The following MRTFA variants were observed in gnomAD, a reference collection of about 807,000 sequenced individuals.
MRTFA encodes myocardin related transcription factor A.
A neutral mutation model predicts 83.5 loss-of-function variants in MRTFA; 20 were observed. That is an observed-to-expected ratio of 0.24 (90% CI 0.17 to 0.35). The LOEUF (loss-of-function observed/expected upper bound fraction) is 0.35, where lower values mean the gene tolerates loss of function less well. MRTFA is among the 10% of genes least tolerant of loss of function. The pLI, the probability that MRTFA is intolerant of heterozygous loss-of-function variation, is 1.00. For synonymous variants in MRTFA, 659 were observed against 541.2 expected (o/e 1.22, Z -3.02); for missense variants, 1,200 against 1,224.7 (o/e 0.98, Z 0.30).
chr22:40,423,023 T>C (rs555839097), intron 9 of MRTFA, among the ~76,000 whole-genome samples: 141 of 152,172 alleles, frequency 9.3e-4, no homozygotes, highest in Non-Finnish European at 1.7e-3. Flanking sequence ...CATGAGCTCT[T>C]GGTGCAGCTG....
Position 40,423,692 on chromosome 22 carries a change from G to A in MRTFA, c.778-7C>T, listed in dbSNP as rs1315893278. 7 of 1,532,292 alleles carry A rather than the reference G, an allele frequency of 4.6e-6. No individual in the cohort carries two copies. The highest frequency in any genetic ancestry group is 1.8e-4 in the Middle Eastern group (1 of 5,696). 94.9% of individuals were successfully genotyped at this position (1,532,292 alleles called of 1,614,324 possible). A position where few individuals can be genotyped will look rare whatever the true frequency, so the allele number is the denominator to read the frequency against. ...TCGGAAGTTGAGACACAACCTGAGAGGGAAAAAGGGAAGTGAGGACATGGC... is the reference window on the plus strand; with the variant it reads ...TCGGAAGTTGAGACACAACCTGAGAAGGAAAAAGGGAAGTGAGGACATGGC... On this transcript the variant is annotated splice_region_variant and splice_polypyrimidine_tract_variant and intron_variant, in intron 8 of 14. Coordinates refer to ENST00000355630, the MANE Select transcript of MRTFA (RefSeq NM_020831.6).
At chr22:40,475,350 C>G (rs1182565696) in intron 3 of MRTFA, among the ~76,000 whole-genome samples, 1 of 151,708 alleles carries the variant, frequency 6.6e-6, no homozygotes, top group Admixed American at 6.6e-5. Flanking sequence ...CCAGCCTGGC[C>G]AACATGGTGA....
chr22:40,466,786 C>T (rs1001879786), intron 3 of MRTFA, among the ~76,000 whole-genome samples: 2 of 151,984 alleles, frequency 1.3e-5, no homozygotes, highest in Non-Finnish European at 2.9e-5. Flanking sequence ...TGAATAGGGC[C>T]ATAGGGATAT....
In MRTFA at chr22:40,418,524, G is replaced by T. The variant is rs142826865; in HGVS notation, c.2214C>A (p.Pro738=). Residue 738 remains proline, a synonymous_variant, in exon 12 of 15, where the codon CCC becomes CCA. Coordinates refer to ENST00000355630, the MANE Select transcript of MRTFA (RefSeq NM_020831.6). ...GGCCCTGAGGCCCCAGAAGCAACTGGGGGGCGGGGACCGGCTCGGGCTCAG... is the reference window on the plus strand; with the variant it reads ...GGCCCTGAGGCCCCAGAAGCAACTGTGGGGCGGGGACCGGCTCGGGCTCAG... 1.9e-5 allele frequency: 31 copies of T among 1,590,780 alleles called. No individual in the cohort carries two copies. The highest frequency in any genetic ancestry group is 2.5e-5 in the Non-Finnish European group (29 of 1,172,710).
At position 40,410,674 on chromosome 22, in the gene MRTFA, GCCAGACTGGGCA is replaced by G. The variant is rs2147042793; in HGVS notation, c.*704_*715del. 4.3e-6 allele frequency: 1 copy of G among 233,436 alleles called. No individual in the cohort carries two copies. Among genetic ancestry groups the G allele is most frequent in the South Asian group, 1.8e-4 (1 of 5,524 alleles). 14.5% of individuals were successfully genotyped at this position (233,436 alleles called of 1,614,324 possible). On this transcript the variant is annotated 3_prime_UTR_variant, in exon 15 of 15. Transcript: ENST00000355630. ...GATGGGTGGGCCTGGGTAGCTGCAT[GCCAGACTGGGCA>G]CCAGACTGTGGCACACAGCTCAAGG...
intron 2 of MRTFA, among the ~76,000 whole-genome samples, chr22:40,565,148 A>G (rs1370092653): frequency 2.0e-5 from 3 of 152,194 alleles, no homozygotes; most frequent in Non-Finnish European, 4.4e-5. Flanking sequence ...ACTTCTCTAT[A>G]CCATTCCCAA....
chr22:40,587,954 T>C, intron 2 of MRTFA: 2 of 357,702 alleles, frequency 5.6e-6, no homozygotes, highest in South Asian at 3.7e-5. Context: ...GCCAGATGAC[T>C]CCCCTTTTTC....
intron 2 of MRTFA, among the ~76,000 whole-genome samples, chr22:40,576,232 T>C (rs1227501586): frequency 6.6e-6 from 1 of 152,092 alleles, no homozygotes; most frequent in East Asian, 1.9e-4. Context: ...GGTTTTGCCA[T>C]GTTGGCCAGG....
intron 1 of MRTFA, among the ~76,000 whole-genome samples, chr22:40,612,318 T>C (rs2056396142): frequency 6.6e-6 from 1 of 152,222 alleles, no homozygotes. Flanking sequence ...GAATGAAGGA[T>C]GAACTATCTT....
chr22:40,465,703 G>A (rs918454371), intron 3 of MRTFA, among the ~76,000 whole-genome samples: 3 of 151,904 alleles, frequency 2.0e-5, no homozygotes, highest in South Asian at 4.2e-4. Context: ...TGGAACTATA[G>A]GTGCATGACA....
chr22:40,420,551 T>C lies in MRTFA; in HGVS notation c.1207A>G (p.Ser403Gly), dbSNP rs770159160. The C allele has an allele frequency of 6.2e-7, 1 of 1,613,454 alleles. No homozygotes were observed. ...AGGCTGCGTACTGGGGGGGTCCCGC[T>C]GCTTCCCAGGGCCTCGCCTGCTGAC... The change falls in exon 11 of 15, where the codon AGC becomes GGC. Residue 403 changes from serine to glycine, a missense_variant. Physicochemically the swap from Ser to Gly is moderately conservative, Grantham distance 56 (BLOSUM62 0). Coordinates refer to ENST00000355630, the MANE Select transcript of MRTFA (RefSeq NM_020831.6).
chr22:40,591,866 T>C (rs1018808898), intron 2 of MRTFA, among the ~76,000 whole-genome samples: 3 of 152,350 alleles, frequency 2.0e-5, no homozygotes, highest in South Asian at 2.1e-4. Context: ...AATGTTAATG[T>C]GTCCATTTCA....
intron 1 of MRTFA, among the ~76,000 whole-genome samples, chr22:40,618,415 T>C (rs1435541010): frequency 1.3e-5 from 2 of 151,884 alleles, no homozygotes; most frequent in Non-Finnish European, 2.9e-5. Flanking sequence ...GTAACCTCTC[T>C]GATAAGGAGA....
intron 2 of MRTFA, among the ~76,000 whole-genome samples, chr22:40,568,135 A>T (rs538314341): frequency 6.6e-6 from 1 of 152,350 alleles, no homozygotes; most frequent in African/African-American, 2.4e-5. Flanking sequence ...CACCTACCAG[A>T]GCCACAATGA....
At chr22:40,453,233 T>C (rs2053526685) in intron 4 of MRTFA, among the ~76,000 whole-genome samples, 1 of 152,210 alleles carries the variant, frequency 6.6e-6, no homozygotes, top group Admixed American at 6.5e-5. Context: ...GGGATTCAAC[T>C]ACAATTACAC....
At chr22:40,519,133 C>A (rs2054815462) in intron 3 of MRTFA, among the ~76,000 whole-genome samples, 1 of 151,580 alleles carries the variant, frequency 6.6e-6, no homozygotes, top group Admixed American at 6.6e-5. Flanking sequence ...TGCATGATCT[C>A]TTTTAATAAA....
intron 1 of MRTFA, among the ~76,000 whole-genome samples, chr22:40,625,125 A>C (rs1289775025): frequency 6.6e-6 from 1 of 152,102 alleles, no homozygotes; most frequent in African/African-American, 2.4e-5. Flanking sequence ...CTAACCCCCC[A>C]AAAAAACATC....
chr22:40,590,958 C>A (rs1405686570), intron 2 of MRTFA, among the ~76,000 whole-genome samples: 1 of 151,864 alleles, frequency 6.6e-6, no homozygotes. Flanking sequence ...ATGGTGAAAC[C>A]CCGTCTCTAC....
At chr22:40,489,955 A>G (rs898961009) in intron 3 of MRTFA, among the ~76,000 whole-genome samples, 22 of 123,358 alleles carry the variant, frequency 1.8e-4, no homozygotes, top group Non-Finnish European at 3.5e-4. Context: ...CTGGGAGACA[A>G]AGCATGACTC....
Sources: gnomAD v4.1 joint callset for allele counts (sites outside exome capture counted in the v4.1 genomes callset) on GRCh38, gnomAD v4.1.1 for gene constraint, MANE v1.5 for transcripts, NCBI Gene and HGNC (gene_info 2026-07-23, HGNC 2026-07-21) for gene names.